Variants in ALDH1A2 observed in about 807,000 individuals in gnomAD.
The protein encoded by ALDH1A2 is retinal dehydrogenase 2.
ALDH1A2 carries 27 observed loss-of-function variants against 60.3 expected under a neutral mutation model. The observed-to-expected ratio is 0.45, with a 90% CI of 0.33 to 0.62. The LOEUF is 0.62. Among genes scored for constraint, ALDH1A2 ranks in the 20% least tolerant of loss-of-function variants. ALDH1A2 has a pLI of 0.02. For synonymous variants in ALDH1A2, 289 were observed against 232.4 expected, an observed-to-expected ratio of 1.24 and a Z score of -2.21; for missense variants, 581 against 643.8, an observed-to-expected ratio of 0.90 and a Z score of 1.06.
intron 4 of ALDH1A2, among the ~76,000 whole-genome samples, chr15:58,000,172 A>G (rs1201241169): frequency 1.3e-5 from 2 of 151,980 alleles, no homozygotes; most frequent in Admixed American, 1.3e-4. Flanking sequence ...TACCTGTGTA[A>G]CAAACCTGCA....
At chr15:58,045,852 C>T (rs1896628476) in intron 1 of ALDH1A2, among the ~76,000 whole-genome samples, 1 of 151,908 alleles carries the variant, frequency 6.6e-6, no homozygotes. Context: ...ATGGTCACTG[C>T]TGTTTGGCCC....
At chr15:57,979,043 G>A (rs145085247) in intron 7 of ALDH1A2, among the ~76,000 whole-genome samples, 40 of 152,176 alleles carry the variant, frequency 2.6e-4, no homozygotes, top group Admixed American at 1.4e-3. Context: ...ACCCTACTGA[G>A]GCCACGGTGG....
chr15:57,980,198 T>G (rs1194987044), intron 7 of ALDH1A2: 1 of 308,832 alleles, frequency 3.2e-6, no homozygotes, highest in Non-Finnish European at 6.7e-6. Flanking sequence ...GTTCTGCTCC[T>G]GCTTCTCTGA....
chr15:57,981,289 A>AACACACACACACACACAC lies in ALDH1A2; in HGVS notation c.798+11398_798+11415dup, dbSNP rs775138747. Among the ~76,000 whole-genome samples the AACACACACACACACACAC allele has an allele frequency of 7.7e-5, 11 of 142,134 alleles. No individual in the cohort carries two copies. In the East Asian group the frequency reaches 1.2e-3, roughly 16 times the overall value. The allele number at this position is 142,134 out of a possible 152,430, so 93.2% of individuals were successfully genotyped here. ...TTCCAAGAAGTGAAATAGAAGAGCA[A>AACACACACACACACACAC]ACACACACACACACACACACACACA... On this transcript the variant is annotated intron_variant, in intron 7 of 12. Coordinates refer to ENST00000249750, the MANE Select transcript of ALDH1A2 (RefSeq NM_003888.4).
At chr15:58,030,472 AC>A (rs777927557) in intron 1 of ALDH1A2, among the ~76,000 whole-genome samples, 8 of 152,162 alleles carry the variant, frequency 5.3e-5, no homozygotes, top group Non-Finnish European at 4.4e-5. Flanking sequence ...CCCTTTGAAA[AC>A]TGGCACAAGA....
chr15:58,032,584 A>C (rs1896269190), intron 1 of ALDH1A2, among the ~76,000 whole-genome samples: 2 of 152,098 alleles, frequency 1.3e-5, no homozygotes, highest in Admixed American at 6.6e-5. Context: ...GTGGGAATGT[A>C]AACTAATACA....
intron 4 of ALDH1A2, among the ~76,000 whole-genome samples, chr15:58,009,889 G>A (rs1895575091): frequency 6.6e-6 from 1 of 152,046 alleles, no homozygotes; most frequent in East Asian, 1.9e-4. Flanking sequence ...ATTGGTATTA[G>A]CTATCACTAG....
At chr15:58,023,025 TAAAG>T (rs552037965) in intron 1 of ALDH1A2, among the ~76,000 whole-genome samples, 22 of 152,282 alleles carry the variant, frequency 1.4e-4, no homozygotes, top group Non-Finnish European at 2.8e-4. Context: ...AAATCCCAGA[TAAAG>T]AATTCAAAAT....
At chr15:58,036,610 T>C (rs1482991934) in intron 1 of ALDH1A2, 1 of 151,588 alleles carries the variant, frequency 6.6e-6, no homozygotes, top group Non-Finnish European at 1.5e-5. Context: ...AAATTTGACT[T>C]CACAGAAGAC....
Position 57,955,018 on chromosome 15 carries a change from G to T in ALDH1A2, c.*179C>A, listed in dbSNP as rs1266093670. 4.2e-6 allele frequency: 3 copies of T among 717,138 alleles called. No homozygotes were observed. Among genetic ancestry groups the T allele is most frequent in the South Asian group, 1.6e-5 (1 of 63,738 alleles). The allele number at this position is 717,138 out of a possible 1,614,324, so 44.4% of individuals were successfully genotyped here. On this transcript the variant is annotated 3_prime_UTR_variant, in exon 13 of 13. Coordinates refer to ENST00000249750, the MANE Select transcript of ALDH1A2 (RefSeq NM_003888.4). The stretch of plus-strand genomic sequence containing the variant: ...AAGGTGGCCCCTTACAGAGTGCCAA[G>T]AAACTGTACCCAGCTGGTTTGCTTT...
chr15:57,974,051 A>G (rs8035317), intron 7 of ALDH1A2, among the ~76,000 whole-genome samples: 2 of 152,160 alleles, frequency 1.3e-5, no homozygotes, highest in Non-Finnish European at 1.5e-5. Context: ...AGATAAAAAA[A>G]TTCCTGTTGT....
intron 3 of ALDH1A2, 82 bp from the exon 4 acceptor site, chr15:58,010,860 A>G (rs1040786627): frequency 1.1e-4 from 167 of 1,551,584 alleles, no homozygotes; most frequent in Non-Finnish European, 1.4e-4. Flanking sequence ...AGAAAAAAGG[A>G]AGAGAGAGAA....
At position 58,034,423 on chromosome 15, in the gene ALDH1A2, G is replaced by GA. The variant is rs1896324039; in HGVS notation, c.118-20143dup. ...CTACATAGAAAATTATGTTATCTGTGAAAAAAGACATTTTTCCTTCCCAGT... is the reference window on the plus strand; with the variant it reads ...CTACATAGAAAATTATGTTATCTGTGAAAAAAAGACATTTTTCCTTCCCAGT... On this transcript the variant is annotated intron_variant, in intron 1 of 12. Transcript: ENST00000249750. 3.3e-5 allele frequency among the ~76,000 whole-genome samples: 5 copies of GA among 151,528 alleles called. No homozygotes were observed. The South Asian group carries it at 1.0e-3, about 31-fold the overall frequency.
intron 7 of ALDH1A2, among the ~76,000 whole-genome samples, chr15:57,985,364 A>G (rs1206958941): frequency 6.6e-6 from 1 of 152,176 alleles, no homozygotes; most frequent in Non-Finnish European, 1.5e-5. Flanking sequence ...CCCAACCCCT[A>G]GAGCTCTCTC....
At chr15:58,013,814 G>T in intron 3 of ALDH1A2, 44 bp downstream of exon 3, 1 of 1,611,718 alleles carries the variant, frequency 6.2e-7, no homozygotes, top group South Asian at 1.1e-5. Flanking sequence ...TCAGCAGAAT[G>T]GCAAATGTGG....
chr15:57,960,610 A>C (rs979405579), intron 12 of ALDH1A2, among the ~76,000 whole-genome samples, 160 bp downstream of exon 12: 2 of 152,204 alleles, frequency 1.3e-5, no homozygotes, highest in Non-Finnish European at 2.9e-5. Context: ...ATTCATCTCT[A>C]TAACATGTAA....
chr15:58,029,831 A>G (rs555103553), intron 1 of ALDH1A2, among the ~76,000 whole-genome samples: 122 of 152,338 alleles, frequency 8.0e-4, no homozygotes, highest in Non-Finnish European at 1.3e-3. Context: ...TCCCAAGAAT[A>G]AACCAGGAAG....
chr15:58,030,975 C>T (rs2140540257), intron 1 of ALDH1A2, among the ~76,000 whole-genome samples: 1 of 152,224 alleles, frequency 6.6e-6, no homozygotes, highest in East Asian at 1.9e-4. Context: ...TTTATAGATT[C>T]AATGCCATCC....
At position 57,964,055 on chromosome 15, in the gene ALDH1A2, C is replaced by T; in HGVS notation, c.916G>A (p.Glu306Lys). ...FADADLDYAVEQAHQGVFFNQ... is the reference protein window; with the variant it reads ...FADADLDYAVKQAHQGVFFNQ... ...AAGAACACACCCTGGTGGGCCTGCT[C>T]CACAGCATAGTCCACTACAAGAGGA... The change falls in exon 9 of 13, where the codon GAG becomes AAG. Residue 306 changes from glutamate (E) to lysine (K), a missense_variant. By Grantham distance (56) the Glu-to-Lys change is moderately conservative. Around this residue, in one of 2 missense-constraint regions of ALDH1A2, gnomAD observed 375 missense variants for 469.7 expected, o/e 0.80. Coordinates refer to ENST00000249750, the MANE Select transcript of ALDH1A2 (RefSeq NM_003888.4). 1.2e-6 allele frequency: 2 copies of T among 1,614,076 alleles called. No individual in the cohort carries two copies. The highest frequency in any genetic ancestry group is 1.7e-6 in the Non-Finnish European group (2 of 1,180,000).
Sources: allele counts gnomAD v4.1 joint callset (sites outside exome capture counted in the v4.1 genomes callset), GRCh38; gene constraint gnomAD v4.1.1; regional missense constraint gnomAD v4.1.1; transcripts MANE v1.5; gene names NCBI Gene and HGNC (gene_info 2026-07-23, HGNC 2026-07-21).